PALS2: variants seen among roughly 807,000 people sequenced by gnomAD.
PALS2 encodes the protein protein associated with LIN7 2, MAGUK p55 family member.
PALS2 carries 27 observed loss-of-function variants against 61.6 expected under a neutral mutation model. That is an observed-to-expected ratio of 0.44 (90% CI 0.32 to 0.60). The LOEUF is 0.60. Ranked by LOEUF, PALS2 falls within the 20% of genes least tolerant of loss-of-function variation. The pLI, the probability that PALS2 is intolerant of heterozygous loss-of-function variation, is 0.05. For synonymous variants in PALS2, 236 were observed against 218.6 expected (o/e 1.08, Z -0.70); for missense variants, 554 against 639.4 (o/e 0.87, Z 1.44).
intron 1 of PALS2, among the ~76,000 whole-genome samples, chr7:24,622,760 C>G: frequency 6.7e-6 from 1 of 149,786 alleles, no homozygotes; most frequent in East Asian, 1.9e-4. Flanking sequence ...AAGTGTACAG[C>G]CTTATTTTTT....
At chr7:24,665,837 G>T (rs1786988425) in intron 7 of PALS2, 150 bp downstream of exon 7, 1 of 954,316 alleles carries the variant, frequency 1.0e-6, no homozygotes, top group East Asian at 2.6e-5. Context: ...AATCTTTTTT[G>T]ATCCCGTTCT....
At chr7:24,670,788 T>TA (rs1396894286) in intron 9 of PALS2, among the ~76,000 whole-genome samples, 1 of 152,232 alleles carries the variant, frequency 6.6e-6, no homozygotes, top group Non-Finnish European at 1.5e-5. Context: ...ATACTGGAGT[T>TA]ATACAATATG....
chr7:24,577,631 C>T (rs1346631338), intron 1 of PALS2, among the ~76,000 whole-genome samples: 2 of 152,062 alleles, frequency 1.3e-5, no homozygotes, highest in Non-Finnish European at 2.9e-5. Context: ...TCATCAATGC[C>T]ATGGCTTGCT....
chr7:24,602,394 G>T (rs925948409), intron 1 of PALS2, among the ~76,000 whole-genome samples: 28 of 152,092 alleles, frequency 1.8e-4, no homozygotes, highest in African/African-American at 6.5e-4. Context: ...AAGAGTGGGG[G>T]ACTAAAAACC....
At chr7:24,586,852 A>G (rs1295586256) in intron 1 of PALS2, among the ~76,000 whole-genome samples, 2 of 152,272 alleles carry the variant, frequency 1.3e-5, no homozygotes, top group Middle Eastern at 3.4e-3. Flanking sequence ...TAAAAGATAA[A>G]TATAAGGACA....
chr7:24,615,860 A>G (rs143836113), intron 1 of PALS2, among the ~76,000 whole-genome samples: 2,034 of 152,256 alleles, frequency 0.013, 20 homozygotes, highest in Middle Eastern at 0.024. Context: ...ATCATACAAC[A>G]TGATCAAGTG....
intron 1 of PALS2, among the ~76,000 whole-genome samples, chr7:24,612,530 G>GTTA (rs1784151026): frequency 6.6e-6 from 1 of 151,482 alleles, no homozygotes; most frequent in Admixed American, 6.6e-5. Context: ...GCATTTTTAC[G>GTTA]TTATTGGATC....
chr7:24,641,779 A>G lies in PALS2; in HGVS notation c.181A>G (p.Asn61Asp), dbSNP rs1785568978. 3 of 1,612,902 alleles carry G rather than the reference A, an allele frequency of 1.9e-6. No homozygotes were observed. Among genetic ancestry groups the G allele is most frequent in the African/African-American group, 1.3e-5 (1 of 74,902 alleles). The change falls in exon 3 of 12, where the codon AAT (asparagine) becomes GAT (aspartate). Residue 61 changes from asparagine (N) to aspartate (D), a missense_variant. Transcript: ENST00000222644. ...AVSDNNLELV[N>D]EILEDITPLI... ...CAGTGACAATAACTTGGAATTAGTC[A>G]ATGAAATTCTTGAAGACATCACTCC...
chr7:24,673,516 A>G (rs1400429711), intron 9 of PALS2, among the ~76,000 whole-genome samples: 1 of 152,164 alleles, frequency 6.6e-6, no homozygotes, highest in Non-Finnish European at 1.5e-5. Flanking sequence ...CCATGAAGCC[A>G]TTTGACCCTG....
chr7:24,645,547 A>G (rs1320303143), intron 3 of PALS2, among the ~76,000 whole-genome samples: 4 of 151,998 alleles, frequency 2.6e-5, no homozygotes, highest in East Asian at 1.9e-4. Context: ...AAGTTGGGTA[A>G]TGTGATGCCC....
At chr7:24,645,385 G>C (rs555546577) in intron 3 of PALS2, among the ~76,000 whole-genome samples, 25 of 152,124 alleles carry the variant, frequency 1.6e-4, no homozygotes, top group Non-Finnish European at 2.8e-4. Flanking sequence ...TCTTTTCCCC[G>C]TTGTTTGTTT....
intron 1 of PALS2, among the ~76,000 whole-genome samples, chr7:24,621,967 A>G (rs1308877980): frequency 6.6e-6 from 1 of 152,044 alleles, no homozygotes; most frequent in Non-Finnish European, 1.5e-5. Flanking sequence ...GTCTTGGCAC[A>G]TTGTCAGAAT....
At chr7:24,654,992 C>T (rs1311123257) in intron 5 of PALS2, among the ~76,000 whole-genome samples, 1 of 152,132 alleles carries the variant, frequency 6.6e-6, no homozygotes, top group Non-Finnish European at 1.5e-5. Flanking sequence ...TTGTGTTTCA[C>T]TCTACACAGA....
intron 1 of PALS2, among the ~76,000 whole-genome samples, chr7:24,582,255 A>G (rs61022359): frequency 6.6e-6 from 1 of 152,344 alleles, no homozygotes; most frequent in African/African-American, 2.4e-5. Context: ...ATCTTGTATC[A>G]AATACAGCAT....
intron 1 of PALS2, among the ~76,000 whole-genome samples, chr7:24,616,837 T>A (rs1784308883): frequency 1.3e-5 from 2 of 152,304 alleles, no homozygotes; most frequent in African/African-American, 4.8e-5. Flanking sequence ...TTTTGCTGTT[T>A]TTAGAACTCT....
intron 1 of PALS2, among the ~76,000 whole-genome samples, chr7:24,616,645 C>G (rs1394682355): frequency 1.3e-5 from 2 of 152,148 alleles, no homozygotes; most frequent in Admixed American, 6.5e-5. Flanking sequence ...ATTGGGGAAT[C>G]CAATCCGTTT....
chr7:24,599,773 G>A (rs948264511), intron 1 of PALS2, among the ~76,000 whole-genome samples: 16 of 151,740 alleles, frequency 1.1e-4, no homozygotes, highest in Admixed American at 3.3e-4. Context: ...CCAAAGTGCC[G>A]GGATTACAGG....
chr7:24,690,836 C>T lies in PALS2; in HGVS notation c.*3222C>T, dbSNP rs186228660. ...AAATTATAAGAGAAACCCAGTATGC[C>T]TACAGCATTAGTAGCCTAAATCCTA... On this transcript the variant is annotated 3_prime_UTR_variant, in exon 12 of 12. Transcript: ENST00000222644. 8 of 152,178 alleles carry T rather than the reference C, an allele frequency of 5.3e-5. No homozygotes were observed. The East Asian group carries it at 1.5e-3, about 29-fold the overall frequency. The allele number at this position is 152,178 out of a possible 1,614,324, so 9.4% of individuals were successfully genotyped here. A position where few individuals can be genotyped will look rare whatever the true frequency, so the allele number is the denominator to read the frequency against.
At chr7:24,575,677 T>A (rs1782617243) in intron 1 of PALS2, among the ~76,000 whole-genome samples, 1 of 152,260 alleles carries the variant, frequency 6.6e-6, no homozygotes. Flanking sequence ...GTCTTTCATA[T>A]TTTTGACATC....
Sources: gnomAD v4.1 joint callset for allele counts (sites outside exome capture counted in the v4.1 genomes callset) on GRCh38, gnomAD v4.1.1 for gene constraint, MANE v1.5 for transcripts, NCBI Gene and HGNC (gene_info 2026-07-23, HGNC 2026-07-21) for gene names.